SLCO5A1: variants seen among roughly 807,000 people sequenced by gnomAD.
SLCO5A1 encodes the protein organic anion transporter polypeptide-related protein 4.
SLCO5A1 carries 39 observed loss-of-function variants against 65.1 expected under a neutral mutation model. That is an observed-to-expected ratio of 0.60 (90% CI 0.46 to 0.78). SLCO5A1 has a LOEUF of 0.78. SLCO5A1 is among the 30% of genes least tolerant of loss of function. The pLI is 0.00. For synonymous variants in SLCO5A1, 438 were observed against 415.7 expected (o/e 1.05, Z -0.65); for missense variants, 1,029 against 1,069.4 (o/e 0.96, Z 0.53).
intron 8 of SLCO5A1, among the ~76,000 whole-genome samples, chr8:69,678,062 A>G (rs1013297478): frequency 6.6e-6 from 1 of 152,202 alleles, no homozygotes; most frequent in Non-Finnish European, 1.5e-5. Context: ...ATGTGAATGT[A>G]TCAGCGTGGC....
intron 4 of SLCO5A1, among the ~76,000 whole-genome samples, chr8:69,743,599 G>T (rs1032017676): frequency 4.6e-5 from 7 of 152,154 alleles, no homozygotes; most frequent in Non-Finnish European, 8.8e-5. Context: ...CTTCCTGGAA[G>T]TTTATTTAGT....
intron 4 of SLCO5A1, among the ~76,000 whole-genome samples, chr8:69,746,287 C>A (rs112598965): frequency 0.017 from 2,517 of 152,168 alleles, 76 homozygotes; most frequent in African/African-American, 0.055. Context: ...TATCTCAATA[C>A]TTAAATTATT....
chr8:69,673,717 A>G (rs1813431797), intron 9 of SLCO5A1, among the ~76,000 whole-genome samples: 1 of 152,200 alleles, frequency 6.6e-6, no homozygotes, highest in Non-Finnish European at 1.5e-5. Flanking sequence ...TAAGTATTCA[A>G]CAGGCTATAC....
At chr8:69,777,835 T>C (rs563713171) in intron 2 of SLCO5A1, among the ~76,000 whole-genome samples, 95 of 152,260 alleles carry the variant, frequency 6.2e-4, no homozygotes, top group African/African-American at 2.2e-3. Flanking sequence ...AAGCAGACGG[T>C]CCTTCCTCTG....
chr8:69,750,523 C>T (rs1817244897), intron 4 of SLCO5A1, among the ~76,000 whole-genome samples: 1 of 152,128 alleles, frequency 6.6e-6, no homozygotes, highest in South Asian at 2.1e-4. Flanking sequence ...ATCTCCCAGG[C>T]CTCTGCCACA....
intron 5 of SLCO5A1, among the ~76,000 whole-genome samples, chr8:69,723,131 G>T (rs1454197003): frequency 6.6e-6 from 1 of 152,006 alleles, no homozygotes; most frequent in Admixed American, 6.5e-5. Flanking sequence ...TATTTGTAAA[G>T]ATGTATTTGT....
At chr8:69,751,900 A>G (rs1359233144) in intron 4 of SLCO5A1, among the ~76,000 whole-genome samples, 1 of 152,160 alleles carries the variant, frequency 6.6e-6, no homozygotes, top group Non-Finnish European at 1.5e-5. Context: ...TCCTCTTTGA[A>G]GGTACTAATA....
intron 3 of SLCO5A1, 46 bp from the exon 4 acceptor site, chr8:69,755,687 T>C: frequency 1.3e-6 from 2 of 1,520,914 alleles, no homozygotes; most frequent in Non-Finnish European, 1.8e-6. Context: ...TTTTCTTTTG[T>C]GAGTGAGAAC....
intron 4 of SLCO5A1, among the ~76,000 whole-genome samples, chr8:69,750,348 T>C (rs1366283127): frequency 6.6e-6 from 1 of 152,138 alleles, no homozygotes; most frequent in African/African-American, 2.4e-5. Flanking sequence ...GCTGTCTACC[T>C]GTGCCCCTTC....
At chr8:69,713,009 G>A (rs2959563) in intron 5 of SLCO5A1, among the ~76,000 whole-genome samples, 27,564 of 152,084 alleles carry the variant, frequency 0.18, 2,560 homozygotes, top group Non-Finnish European at 0.2. Flanking sequence ...TCTAGATGGT[G>A]CCTGAAAAAT....
intron 5 of SLCO5A1, among the ~76,000 whole-genome samples, chr8:69,717,866 C>T (rs1042290466): frequency 1.3e-5 from 2 of 152,148 alleles, no homozygotes; most frequent in African/African-American, 4.8e-5. Flanking sequence ...TGGACAGCTA[C>T]ATTGAGCTAA....
At chr8:69,796,315 T>A (rs1819499543) in intron 2 of SLCO5A1, among the ~76,000 whole-genome samples, 1 of 152,104 alleles carries the variant, frequency 6.6e-6, no homozygotes, top group African/African-American at 2.4e-5. Flanking sequence ...TGCTTCCTTT[T>A]TAAATATAAA....
chr8:69,683,572 T>C (rs1458992633), intron 6 of SLCO5A1, among the ~76,000 whole-genome samples: 2 of 151,788 alleles, frequency 1.3e-5, no homozygotes, highest in African/African-American at 4.8e-5. Context: ...CTTATCTTTT[T>C]TTTTTTTTGA....
intron 6 of SLCO5A1, among the ~76,000 whole-genome samples, chr8:69,688,511 A>G (rs1032610724): frequency 7.0e-6 from 1 of 143,354 alleles, no homozygotes; most frequent in South Asian, 2.4e-4. Context: ...AACAGGCCCC[A>G]GAGTGTGATG....
chr8:69,825,953 C>G (rs1820889369), intron 2 of SLCO5A1, among the ~76,000 whole-genome samples: 1 of 152,120 alleles, frequency 6.6e-6, no homozygotes, highest in South Asian at 2.1e-4. Context: ...TGGAACAGAA[C>G]AGAGCCCTCA....
intron 2 of SLCO5A1, among the ~76,000 whole-genome samples, chr8:69,786,568 C>A (rs1356827342): frequency 6.6e-6 from 1 of 152,202 alleles, no homozygotes; most frequent in African/African-American, 2.4e-5. Context: ...TAATACTATT[C>A]ATTAGTAAGA....
intron 5 of SLCO5A1, among the ~76,000 whole-genome samples, chr8:69,724,473 T>A (rs1054637509): frequency 6.6e-6 from 1 of 152,154 alleles, no homozygotes; most frequent in African/African-American, 2.4e-5. Flanking sequence ...CTTGAAAAAA[T>A]TAACTATTAG....
intron 2 of SLCO5A1, among the ~76,000 whole-genome samples, chr8:69,777,806 C>T (rs1818621617): frequency 6.6e-6 from 1 of 152,178 alleles, no homozygotes; most frequent in African/African-American, 2.4e-5. Context: ...CCGTCGAGGT[C>T]GTCGTGACTG....
At chr8:69,746,655 T>C (rs1236534694) in intron 4 of SLCO5A1, among the ~76,000 whole-genome samples, 1 of 152,092 alleles carries the variant, frequency 6.6e-6, no homozygotes, top group East Asian at 1.9e-4. Flanking sequence ...TGAAAAGTGG[T>C]GTAATAAAGA....
Sources: gnomAD v4.1 joint callset for allele counts (sites outside exome capture counted in the v4.1 genomes callset) on GRCh38, gnomAD v4.1.1 for gene constraint, MANE v1.5 for transcripts, NCBI Gene and HGNC (gene_info 2026-07-23, HGNC 2026-07-21) for gene names.